The following MAP3K2 variants were observed in gnomAD, a reference collection of about 807,000 sequenced individuals.
The protein encoded by MAP3K2 is MAP/ERK kinase kinase 2.
MAP3K2 carries 24 observed loss-of-function variants against 80.3 expected under a neutral mutation model. That is an observed-to-expected ratio of 0.30 (90% confidence interval 0.22 to 0.42). The LOEUF is 0.42. Among genes scored for constraint, MAP3K2 ranks in the 10% least tolerant of loss-of-function variants. MAP3K2 has a pLI of 1.00. For synonymous variants in MAP3K2, 244 were observed against 253.7 expected (o/e 0.96, Z 0.36); for missense variants, 608 against 750.1 (o/e 0.81, Z 2.21).
At chr2:127,312,684 C>T (rs1483314074) in intron 15 of MAP3K2, among the ~76,000 whole-genome samples, 5 of 151,920 alleles carry the variant, frequency 3.3e-5, no homozygotes, top group African/African-American at 9.7e-5. Flanking sequence ...AAACAAAGGC[C>T]GGGCACGGTA....
chr2:127,307,568 G>A lies in MAP3K2; in HGVS notation c.*11C>T, dbSNP rs1434871115. 6 of 1,545,622 alleles carry A rather than the reference G, an allele frequency of 3.9e-6. No homozygotes were observed. Among genetic ancestry groups the A allele is most frequent in the Non-Finnish European group, 4.4e-6 (5 of 1,140,554 alleles). Reference sequence around the variant, plus strand: ...GGAGCTAGGTAGAGGCACAGGAGAGGTTACTGGCTGCTAGTGATAATGCAC... The same window carrying A: ...GGAGCTAGGTAGAGGCACAGGAGAGATTACTGGCTGCTAGTGATAATGCAC... On this transcript the variant is annotated 3_prime_UTR_variant, in exon 17 of 17. Transcript: ENST00000682094. This position sits in a 1 kb window ranked among gnomAD's most constrained non-coding sequence, Gnocchi z 5.4.
At chr2:127,377,389 T>G (rs1013475526) in intron 1 of MAP3K2, among the ~76,000 whole-genome samples, 5 of 47,962 alleles carry the variant, frequency 1.0e-4, no homozygotes, top group Non-Finnish European at 2.8e-4. Flanking sequence ...ATTTCAGTGG[T>G]TTTTTTTTTT....
In MAP3K2 at chr2:127,382,196, C is replaced by G. The variant is rs572161047; in HGVS notation, c.-66+5256G>C. On this transcript the variant is annotated intron_variant, in intron 1 of 16. Coordinates refer to ENST00000682094, the MANE Select transcript of MAP3K2 (RefSeq NM_001371910.2). ...ATATTAGAGTATATGAAAGAAGTAT[C>G]GCACCTAAGAAAAGTAACAATAATG... Among the ~76,000 whole-genome samples the G allele has an allele frequency of 2.6e-5, 4 of 152,208 alleles. No homozygotes were observed. The South Asian group carries it at 8.3e-4, about 32-fold the overall frequency.
chr2:127,368,664 T>A (rs1354858346), intron 1 of MAP3K2, among the ~76,000 whole-genome samples: 1 of 152,100 alleles, frequency 6.6e-6, no homozygotes, highest in Admixed American at 6.6e-5. Flanking sequence ...GGCAAAGTAT[T>A]TACATATAAA....
intron 12 of MAP3K2, among the ~76,000 whole-genome samples, chr2:127,319,148 G>A (rs911451808): frequency 4.0e-5 from 6 of 150,924 alleles, no homozygotes; most frequent in Admixed American, 2.0e-4. Flanking sequence ...CCTAAGAAAC[G>A]AGAGCCTTCA....
At position 127,353,766 on chromosome 2, in the gene MAP3K2, G is replaced by C. The variant is rs1324593500; in HGVS notation, c.-65-10572C>G. Among the ~76,000 whole-genome samples the C allele has an allele frequency of 2.6e-5, 4 of 152,162 alleles. 1 individual carries two copies. Among genetic ancestry groups the C allele is most frequent in the African/African-American group, 9.7e-5 (4 of 41,394 alleles). ...GTACCCAACAGCTCATTGAGAACGG[G>C]CCATGATGACAATGGCAGTTTTGTG... On this transcript the variant is annotated intron_variant, in intron 1 of 16. Transcript: ENST00000682094.
chr2:127,380,432 G>GA (rs1445507030), intron 1 of MAP3K2, among the ~76,000 whole-genome samples: 2 of 152,048 alleles, frequency 1.3e-5, no homozygotes, highest in African/African-American at 2.4e-5. Context: ...CACACAAATG[G>GA]AAAAAATTCC....
At chr2:127,341,167 T>C (rs1438059587) in intron 2 of MAP3K2, among the ~76,000 whole-genome samples, 1 of 151,896 alleles carries the variant, frequency 6.6e-6, no homozygotes. Flanking sequence ...TTTTTTGTAT[T>C]TTTAGTAGAG....
At chr2:127,388,085 T>C (rs1687412085), upstream of MAP3K2, 3 of 982,660 alleles carry the variant, frequency 3.1e-6, no homozygotes, top group South Asian at 4.7e-5. Context: ...GGGGAGTGGG[T>C]CGGCGCCTGC....
chr2:127,366,567 G>A (rs533791316), intron 1 of MAP3K2, among the ~76,000 whole-genome samples: 14 of 152,202 alleles, frequency 9.2e-5, no homozygotes, highest in African/African-American at 3.4e-4. Flanking sequence ...TTGAAGTAAG[G>A]AAGCTTCACT....
intron 1 of MAP3K2, among the ~76,000 whole-genome samples, chr2:127,384,458 G>T (rs1184384847): frequency 6.6e-6 from 1 of 152,092 alleles, no homozygotes; most frequent in Non-Finnish European, 1.5e-5. Context: ...GAACACTGAT[G>T]ATTCATGGGA....
At chr2:127,328,385 T>C (rs1686186325) in intron 7 of MAP3K2, among the ~76,000 whole-genome samples, 1 of 152,226 alleles carries the variant, frequency 6.6e-6, no homozygotes, top group Non-Finnish European at 1.5e-5. Flanking sequence ...ATCTGAGCTT[T>C]GTACAATGTA....
chr2:127,326,873 T>C (rs1686151194), intron 7 of MAP3K2, 56 bp from the exon 8 acceptor site: 2 of 1,174,908 alleles, frequency 1.7e-6, no homozygotes, highest in Non-Finnish European at 2.3e-6. Flanking sequence ...TCAAGTTTTG[T>C]TTTAAATAGG....
intron 1 of MAP3K2, among the ~76,000 whole-genome samples, chr2:127,366,236 A>G (rs1209322747): frequency 6.6e-6 from 1 of 152,110 alleles, no homozygotes; most frequent in Non-Finnish European, 1.5e-5. Context: ...ATTAACTAAG[A>G]ACAAGATTAG....
chr2:127,365,658 G>T (rs1473464510), intron 1 of MAP3K2, among the ~76,000 whole-genome samples: 1 of 152,142 alleles, frequency 6.6e-6, no homozygotes, highest in East Asian at 1.9e-4. Context: ...GCTACACAGA[G>T]GTGACAACTC....
intron 1 of MAP3K2, among the ~76,000 whole-genome samples, chr2:127,358,596 A>G (rs1253020922): frequency 6.6e-6 from 1 of 152,226 alleles, no homozygotes; most frequent in African/African-American, 2.4e-5. Context: ...CAAGTCACAG[A>G]AAAGTCATGA....
At position 127,323,982 on chromosome 2, in the gene MAP3K2, G is replaced by A. The variant is rs767067310; in HGVS notation, c.758C>T (p.Pro253Leu). The A allele has an allele frequency of 5.4e-5, 82 of 1,519,106 alleles. No individual in the cohort carries two copies. Among genetic ancestry groups the A allele is most frequent in the Non-Finnish European group, 7.0e-5 (78 of 1,112,368 alleles). 94.1% of individuals were successfully genotyped at this position (1,519,106 alleles called of 1,614,324 possible). ...NHQEFSDYDN[P>L]IFEKFGKGGT... Reference sequence around the variant, plus strand: ...TCCTTTTCCAAATTTCTCAAAGATAGGGTTATCATAGTCTGTTAAGACATA... The same window carrying A: ...TCCTTTTCCAAATTTCTCAAAGATAAGGTTATCATAGTCTGTTAAGACATA... Residue 253 changes from proline (P) to leucine (L), a missense_variant, in exon 11 of 17, where the codon CCT becomes CTT. By Grantham distance (98) the Pro-to-Leu change is moderately conservative. Coordinates refer to ENST00000682094, the MANE Select transcript of MAP3K2 (RefSeq NM_001371910.2).
At chr2:127,347,181 T>A (rs577458820) in intron 1 of MAP3K2, among the ~76,000 whole-genome samples, 1 of 152,146 alleles carries the variant, frequency 6.6e-6, no homozygotes, top group Non-Finnish European at 1.5e-5. Flanking sequence ...AGGCCAGGAA[T>A]ATGGGGATGT....
rs988709349 is a variant in MAP3K2 at position 127,317,588 on chromosome 2, T to G, written c.1326+41A>C. The G allele has an allele frequency of 3.4e-6, 5 of 1,453,446 alleles. No individual in the cohort carries two copies. In the East Asian group the frequency reaches 1.3e-4, roughly 37 times the overall value. 90.0% of individuals were successfully genotyped at this position (1,453,446 alleles called of 1,614,324 possible). On this transcript the variant is annotated intron_variant, in intron 14 of 16. Coordinates refer to ENST00000682094, the MANE Select transcript of MAP3K2 (RefSeq NM_001371910.2). ...TGTTTTTCTTTTATTAACTAAAATT[T>G]TAAATAGAATGTGTATTTTCAAAAA...
Sources: allele counts gnomAD v4.1 joint callset (sites outside exome capture counted in the v4.1 genomes callset), GRCh38; gene constraint gnomAD v4.1.1; non-coding constraint Gnocchi (gnomAD v3.1); transcripts MANE v1.5; gene names NCBI Gene and HGNC (gene_info 2026-07-23, HGNC 2026-07-21).